The following FABP5 variants were observed in gnomAD, a reference collection of about 807,000 sequenced individuals.
FABP5 encodes the protein fatty acid-binding protein 5.
In FABP5, 7 loss-of-function variants were observed where a neutral mutation model predicts 16.9. The ratio of observed to expected loss-of-function variants is 0.41; its 90% CI spans 0.24 to 0.78. FABP5 has a LOEUF of 0.78. Among genes scored for constraint, FABP5 ranks in the 30% least tolerant of loss-of-function variants. The pLI is 0.30. For synonymous variants in FABP5, 37 were observed against 52.8 expected, an observed-to-expected ratio of 0.70 and a Z score of 1.30; for missense variants, 119 against 159.5, an observed-to-expected ratio of 0.75 and a Z score of 1.37.
intron 2 of FABP5, 130 bp downstream of exon 2, chr8:81,283,668 A>T: frequency 8.9e-7 from 1 of 1,120,990 alleles, no homozygotes; most frequent in Non-Finnish European, 1.2e-6. Flanking sequence ...TCAAATTAGC[A>T]AAAGTATCAA....
chr8:81,281,041 T>G lies in FABP5; in HGVS notation c.79+367T>G. On this transcript the variant is annotated intron_variant, in intron 1 of 3. Coordinates refer to ENST00000297258, the MANE Select transcript of FABP5 (RefSeq NM_001444.3). The surrounding 1 kb of genome is among the most constrained non-coding windows in gnomAD (Gnocchi z 4.5). ...TCACGCTGCACTTCTTTCGACCCCC[T>G]CCAGGCGACCCTGTATTTCCCTTTT... 4.6e-6 allele frequency: 1 copy of G among 215,152 alleles called. No homozygotes were observed. Among genetic ancestry groups the G allele is most frequent in the Non-Finnish European group, 9.3e-6 (1 of 107,802 alleles). The allele number at this position is 215,152 out of a possible 1,614,324, so 13.3% of individuals were successfully genotyped here. A position where few individuals can be genotyped will look rare whatever the true frequency, so the allele number is the denominator to read the frequency against.
chr8:81,280,915 G>T, intron 1 of FABP5: 2 of 514,796 alleles, frequency 3.9e-6, no homozygotes, highest in South Asian at 4.6e-5. Context: ...GATTCCGGAG[G>T]TGGTCCACCC....
intron 3 of FABP5, 143 bp downstream of exon 3, chr8:81,284,117 T>G: frequency 1.6e-6 from 1 of 640,238 alleles, no homozygotes; most frequent in Non-Finnish European, 2.7e-6. Context: ...GAACACTAAT[T>G]ATTAAGAAAG....
intron 3 of FABP5, chr8:81,284,179 T>C (rs1177672677): frequency 1.3e-5 from 7 of 551,844 alleles, no homozygotes; most frequent in Non-Finnish European, 2.2e-5. Flanking sequence ...TTGGCTGGAG[T>C]TGGGGGGAGT....
At chr8:81,280,888 C>T in intron 1 of FABP5, 1 of 531,860 alleles carries the variant, frequency 1.9e-6, no homozygotes, top group Non-Finnish European at 3.4e-6. Context: ...CGCCTCTTGC[C>T]CGCCCGCGGG....
At chr8:81,282,178 G>GTT (rs1177747276) in intron 1 of FABP5, among the ~76,000 whole-genome samples, 1 of 151,394 alleles carries the variant, frequency 6.6e-6, no homozygotes, top group African/African-American at 2.4e-5. Flanking sequence ...GTGTGTGTGT[G>GTT]TGTGTGTGTG....
rs1807863771 is a variant in FABP5, at chr8:81,283,281, A to C, written c.80-85A>C. Reference sequence around the variant, plus strand: ...AAATAAGTGAAAATATGCCGCACAAAGTGATTACAATGGAATTATTGCTTT... The same window carrying C: ...AAATAAGTGAAAATATGCCGCACAACGTGATTACAATGGAATTATTGCTTT... On this transcript the variant is annotated intron_variant, in intron 1 of 3. Transcript: ENST00000297258. 3.4e-6 allele frequency: 4 copies of C among 1,166,410 alleles called. No homozygotes were observed. The African/African-American group carries it at 6.2e-5, about 18-fold the overall frequency. 72.3% of individuals were successfully genotyped at this position (1,166,410 alleles called of 1,614,324 possible). A position where few individuals can be genotyped will look rare whatever the true frequency, so the allele number is the denominator to read the frequency against.
chr8:81,282,838 C>A (rs1312334131), intron 1 of FABP5, among the ~76,000 whole-genome samples: 1 of 152,030 alleles, frequency 6.6e-6, no homozygotes, highest in Non-Finnish European at 1.5e-5. Context: ...CATTTATATG[C>A]CAGACTGTGC....
At chr8:81,284,430 G>T in intron 3 of FABP5, 84 bp from the exon 4 acceptor site, 1 of 889,084 alleles carries the variant, frequency 1.1e-6, no homozygotes, top group Non-Finnish European at 1.8e-6. Flanking sequence ...GATTTCGTGG[G>T]ACTTTGATTC....
rs879581491 is a variant in FABP5 at position 81,281,305 on chromosome 8, C to T, written c.79+631C>T. 1.1e-5 allele frequency: 11 copies of T among 971,926 alleles called. No homozygotes were observed. The highest frequency in any genetic ancestry group is 1.1e-3 in the Middle Eastern group (2 of 1,880). The allele number at this position is 971,926 out of a possible 1,614,324, so 60.2% of individuals were successfully genotyped here. A position where few individuals can be genotyped will look rare whatever the true frequency, so the allele number is the denominator to read the frequency against. On this transcript the variant is annotated intron_variant, in intron 1 of 3. Coordinates refer to ENST00000297258, the MANE Select transcript of FABP5 (RefSeq NM_001444.3). The surrounding 1 kb of genome is among the most constrained non-coding windows in gnomAD (Gnocchi z 4.5). ...GCTTGCATTCCTCTGTCAGCCCCGT[C>T]TCCCCCAGGTCCTCTGCTCGCCCTT...
At chr8:81,283,341 T>C in intron 1 of FABP5, 25 bp from the exon 2 acceptor site, 2 of 1,546,854 alleles carry the variant, frequency 1.3e-6, no homozygotes, top group Non-Finnish European at 1.7e-6. Flanking sequence ...CTTCCTGTTA[T>C]TTAACATGAC....
chr8:81,284,442 A>C, intron 3 of FABP5, 72 bp from the exon 4 acceptor site: 1 of 988,360 alleles, frequency 1.0e-6, no homozygotes, highest in Admixed American at 2.0e-5. Context: ...CTTTGATTCT[A>C]ATGTTTTAAT....
At chr8:81,284,463 C>A in intron 3 of FABP5, 51 bp from the exon 4 acceptor site, 1 of 1,239,784 alleles carries the variant, frequency 8.1e-7, no homozygotes, top group Non-Finnish European at 1.2e-6. Context: ...ACCACCACTG[C>A]TCTGGAATCT....
chr8:81,284,418 G>A (rs1362030714), intron 3 of FABP5, 96 bp from the exon 4 acceptor site: 35 of 786,968 alleles, frequency 4.4e-5, no homozygotes, highest in South Asian at 3.9e-4. Flanking sequence ...AGTAGATTAC[G>A]TGATTTCGTG....
rs890899710 is a variant in FABP5 at position 81,283,229 on chromosome 8, A to G, written c.80-137A>G. On this transcript the variant is annotated intron_variant, in intron 1 of 3. Transcript: ENST00000297258. ...AAAGTGCTGGCTCATACCGTGGGAT[A>G]TATGTTTACAATAGTTATCAATAAG... 17 of 703,788 alleles carry G rather than the reference A, an allele frequency of 2.4e-5. No individual in the cohort carries two copies. The African/African-American group carries it at 3.1e-4, about 13-fold the overall frequency. 43.6% of individuals were successfully genotyped at this position (703,788 alleles called of 1,614,324 possible).
At chr8:81,280,775 C>T in intron 1 of FABP5, 101 bp downstream of exon 1, 1 of 1,118,828 alleles carries the variant, frequency 8.9e-7, no homozygotes, top group Non-Finnish European at 1.3e-6. Flanking sequence ...AGGAGATGCT[C>T]GGCGGCCTAC....
chr8:81,280,607 T>A lies in FABP5; in HGVS notation c.12T>A (p.Val4=). ...CGCCCGCACCCACCATGGCCACAGT[T>A]CAGCAGCTGGAAGGAAGATGGCGCC... is the stretch of plus-strand genomic sequence containing the variant. The part of the protein sequence containing the change: MAT[V]QQLEGRWRLV... Residue 4 remains valine, a synonymous_variant, in exon 1 of 4, where the codon GTT becomes GTA. Transcript: ENST00000297258. 1.3e-6 allele frequency: 2 copies of A among 1,556,374 alleles called. No homozygotes were observed. The highest frequency in any genetic ancestry group is 1.7e-6 in the Non-Finnish European group (2 of 1,149,192).
chr8:81,284,207 G>A (rs1023558568), intron 3 of FABP5: 16 of 538,402 alleles, frequency 3.0e-5, no homozygotes, highest in African/African-American at 5.7e-5. Flanking sequence ...TTGCTGCCAC[G>A]TCACAGTGAA....
chr8:81,280,862 G>A (rs1306908380), intron 1 of FABP5, 188 bp downstream of exon 1: 1 of 574,586 alleles, frequency 1.7e-6, no homozygotes, highest in African/African-American at 1.9e-5. Context: ...AGGCGGCGAG[G>A]AGCAGGGAGC....
Sources: allele counts gnomAD v4.1 joint callset (sites outside exome capture counted in the v4.1 genomes callset), GRCh38; gene constraint gnomAD v4.1.1; non-coding constraint Gnocchi (gnomAD v3.1); transcripts MANE v1.5; gene names NCBI Gene and HGNC (gene_info 2026-07-23, HGNC 2026-07-21).